MYO9A: variants seen among roughly 807,000 people sequenced by gnomAD.
MYO9A encodes myosin IXA.
A neutral mutation model predicts 293.3 loss-of-function variants in MYO9A; 103 were observed. That is an observed-to-expected ratio of 0.35 (90% CI 0.30 to 0.41). The LOEUF is 0.41. Ranked by LOEUF, MYO9A falls within the 10% of genes least tolerant of loss-of-function variation. MYO9A has a pLI of 1.00. For missense variants in MYO9A, 2,685 were observed against 3,033.0 expected (o/e 0.89, Z 2.69); for synonymous variants, 1,001 against 1,035.7 (o/e 0.97, Z 0.64).
intron 32 of MYO9A, among the ~76,000 whole-genome samples, chr15:71,875,169 T>C (rs1184429665): frequency 6.6e-6 from 1 of 152,014 alleles, no homozygotes; most frequent in Non-Finnish European, 1.5e-5. Context: ...ATTATATATA[T>C]GATAGATATT....
chr15:72,103,593 A>G (rs1337619340), intron 1 of MYO9A, among the ~76,000 whole-genome samples: 1 of 150,474 alleles, frequency 6.6e-6, no homozygotes, highest in Non-Finnish European at 1.5e-5. Flanking sequence ...GAAGCAGCAG[A>G]AGCAGTGGAA....
intron 39 of MYO9A, among the ~76,000 whole-genome samples, chr15:71,843,130 T>C (rs1320547357): frequency 6.6e-6 from 1 of 152,062 alleles, no homozygotes; most frequent in Non-Finnish European, 1.5e-5. Flanking sequence ...TCTTCTTCTT[T>C]TTAAATTAGT....
At chr15:72,087,286 C>T (rs1261401960) in intron 1 of MYO9A, among the ~76,000 whole-genome samples, 1 of 152,200 alleles carries the variant, frequency 6.6e-6, no homozygotes, top group Non-Finnish European at 1.5e-5. Context: ...CTAAAGTCTC[C>T]TATGGGAGCA....
intron 1 of MYO9A, among the ~76,000 whole-genome samples, chr15:72,072,413 G>A (rs947829623): frequency 6.6e-6 from 1 of 152,126 alleles, no homozygotes; most frequent in Non-Finnish European, 1.5e-5. Flanking sequence ...TTACAGGCGT[G>A]AACCACAGCG....
intron 6 of MYO9A, 140 bp from the exon 7 acceptor site, chr15:72,010,587 C>A: frequency 3.1e-6 from 2 of 648,392 alleles, no homozygotes; most frequent in Admixed American, 2.9e-5. Flanking sequence ...AAGACCTAGT[C>A]AAATTCATTA....
intron 34 of MYO9A, among the ~76,000 whole-genome samples, chr15:71,858,250 T>C (rs2055948415): frequency 6.6e-6 from 1 of 152,184 alleles, no homozygotes; most frequent in Admixed American, 6.5e-5. Context: ...AGCCATACCA[T>C]TACTGGGTAT....
At chr15:71,893,879 T>C (rs2057248792) in intron 25 of MYO9A, 101 bp from the exon 26 acceptor site, 4 of 891,256 alleles carry the variant, frequency 4.5e-6, no homozygotes, top group East Asian at 2.6e-5. Flanking sequence ...TTTCAGATCT[T>C]AGTCAATTCC....
chr15:71,880,590 A>G (rs553371965), intron 28 of MYO9A, 32 bp from the exon 29 acceptor site: 1 of 1,543,984 alleles, frequency 6.5e-7, no homozygotes, highest in African/African-American at 1.4e-5. Flanking sequence ...CCAAAAGGAC[A>G]CATTTAGTAA....
intron 26 of MYO9A, chr15:71,892,494 C>T (rs1473431511): frequency 6.6e-6 from 1 of 152,386 alleles, no homozygotes; most frequent in African/African-American, 2.4e-5. Context: ...CTATGGCCAA[C>T]AGGTCAAATA....
At chr15:71,902,137 C>T (rs2057504133) in intron 22 of MYO9A, among the ~76,000 whole-genome samples, 2 of 151,780 alleles carry the variant, frequency 1.3e-5, no homozygotes, top group South Asian at 2.1e-4. Context: ...GACAAAAGAT[C>T]CCACCTGAGT....
In MYO9A at chr15:71,949,006, A is replaced by G. The variant is rs953814296; in HGVS notation, c.2302+2771T>C. Among the ~76,000 whole-genome samples the G allele has an allele frequency of 4.6e-5, 7 of 151,630 alleles. No homozygotes were observed. The South Asian group carries it at 6.2e-4, about 13-fold the overall frequency. On this transcript the variant is annotated intron_variant, in intron 15 of 41. Coordinates refer to ENST00000356056, the MANE Select transcript of MYO9A (RefSeq NM_006901.4). ...GATTTTTTGACACCTTTTGGCCTCC[A>G]TTATTTTTACTGAGAAGTCAAGTGT...
intron 9 of MYO9A, chr15:71,998,958 T>C (rs1214871663): frequency 2.0e-5 from 3 of 152,144 alleles, no homozygotes. Flanking sequence ...TGTGCCACAT[T>C]TTCTTAATCC....
intron 1 of MYO9A, among the ~76,000 whole-genome samples, chr15:72,060,633 G>A (rs1297226900): frequency 2.6e-5 from 4 of 152,256 alleles, no homozygotes; most frequent in East Asian, 3.9e-4. Context: ...TCTATGGAGG[G>A]AGCATTTAGA....
chr15:71,999,957 T>G lies in MYO9A; in HGVS notation c.1381-17A>C. 1 of 1,576,878 alleles carries G rather than the reference T, an allele frequency of 6.3e-7. No individual in the cohort carries two copies. Among genetic ancestry groups the G allele is most frequent in the Non-Finnish European group, 8.7e-7 (1 of 1,153,094 alleles). On this transcript the variant is annotated splice_polypyrimidine_tract_variant and intron_variant, in intron 8 of 41. Coordinates refer to ENST00000356056, the MANE Select transcript of MYO9A (RefSeq NM_006901.4). ...TTCTTTAACCTATAAAACAGAAAAG[T>G]AAACTCAATATGTAAGATTTATGAC...
At chr15:72,056,257 A>T (rs921583229) in intron 1 of MYO9A, among the ~76,000 whole-genome samples, 1 of 152,180 alleles carries the variant, frequency 6.6e-6, no homozygotes, top group African/African-American at 2.4e-5. Flanking sequence ...AGAGAAAAAG[A>T]AGTCATTTAT....
chr15:71,882,528 T>G (rs1258682680), intron 28 of MYO9A, among the ~76,000 whole-genome samples: 3 of 152,094 alleles, frequency 2.0e-5, no homozygotes, highest in Non-Finnish European at 4.4e-5. Context: ...CCCAGCACTT[T>G]GGGAGGCTGA....
intron 27 of MYO9A, among the ~76,000 whole-genome samples, chr15:71,886,838 T>C (rs2057036161): frequency 6.6e-6 from 1 of 152,126 alleles, no homozygotes; most frequent in African/African-American, 2.4e-5. Flanking sequence ...ATGTATGTTC[T>C]TCTACTGTGT....
chr15:71,863,135 T>C lies in MYO9A; in HGVS notation c.5980-524A>G, dbSNP rs2056206124. 2.6e-5 allele frequency among the ~76,000 whole-genome samples: 4 copies of C among 151,934 alleles called. No individual in the cohort carries two copies. The South Asian group carries it at 8.3e-4, about 32-fold the overall frequency. On this transcript the variant is annotated intron_variant, in intron 32 of 41. Coordinates refer to ENST00000356056, the MANE Select transcript of MYO9A (RefSeq NM_006901.4). ...TTTTACTAGTGACAGTGTTTCACCA[T>C]GTTGGCCAGGCTGGTCTTGAACTCC... is the stretch of plus-strand genomic sequence containing the variant.
chr15:71,974,177 C>T (rs376751761), intron 12 of MYO9A, among the ~76,000 whole-genome samples: 31 of 152,070 alleles, frequency 2.0e-4, no homozygotes, highest in Admixed American at 5.2e-4. Context: ...CTTTTCAGAA[C>T]GAGAAACACA....
Sources: allele counts gnomAD v4.1 joint callset (sites outside exome capture counted in the v4.1 genomes callset), GRCh38; gene constraint gnomAD v4.1.1; transcripts MANE v1.5; gene names NCBI Gene and HGNC (gene_info 2026-07-23, HGNC 2026-07-21).